Variants in ADAM32 observed in about 807,000 individuals in gnomAD.
ADAM32 encodes the protein disintegrin and metalloproteinase domain-containing protein 32.
Under a neutral mutation model 114.9 loss-of-function variants are expected in ADAM32, and 89 were observed. That is an observed-to-expected ratio of 0.77 (90% CI 0.65 to 0.92). The LOEUF is 0.92. ADAM32 is among the 40% of genes least tolerant of loss of function. The pLI is 0.00. For synonymous variants in ADAM32, 285 were observed against 307.5 expected, an observed-to-expected ratio of 0.93 and a Z score of 0.77; for missense variants, 870 against 932.8, an observed-to-expected ratio of 0.93 and a Z score of 0.88.
chr8:39,228,943 T>C (rs1302579001), intron 14 of ADAM32, among the ~76,000 whole-genome samples: 1 of 152,168 alleles, frequency 6.6e-6, no homozygotes, highest in Non-Finnish European at 1.5e-5. Flanking sequence ...AAGTACCAGG[T>C]AACCTAAAAA....
chr8:39,131,357 G>T (rs1034924876), intron 2 of ADAM32, among the ~76,000 whole-genome samples: 1 of 152,118 alleles, frequency 6.6e-6, no homozygotes, highest in African/African-American at 2.4e-5. Flanking sequence ...CAGCCATGGT[G>T]GCACATGCCT....
chr8:39,262,015 C>G (rs947471068), intron 19 of ADAM32, among the ~76,000 whole-genome samples: 1 of 152,070 alleles, frequency 6.6e-6, no homozygotes, highest in African/African-American at 2.4e-5. Context: ...CTGATTGTTT[C>G]TTTTGCTGTG....
intron 6 of ADAM32, among the ~76,000 whole-genome samples, chr8:39,154,781 T>G (rs995250294): frequency 5.9e-5 from 9 of 152,192 alleles, no homozygotes; most frequent in African/African-American, 1.7e-4. Context: ...TGCATTTCTC[T>G]TAATGACCAG....
chr8:39,114,857 C>T (rs1840311626), intron 1 of ADAM32, among the ~76,000 whole-genome samples: 1 of 152,060 alleles, frequency 6.6e-6, no homozygotes, highest in Admixed American at 6.6e-5. Flanking sequence ...GTTTTTCAGT[C>T]CTCTCCCTCC....
At chr8:39,118,948 G>T (rs1002579372) in intron 2 of ADAM32, among the ~76,000 whole-genome samples, 1 of 152,114 alleles carries the variant, frequency 6.6e-6, no homozygotes, top group Non-Finnish European at 1.5e-5. Context: ...CTGATCTGTT[G>T]TCTATCTCTA....
chr8:39,254,477 C>A lies in ADAM32; in HGVS notation c.1966C>A (p.Arg656Ser), dbSNP rs1472803470. 2 of 1,597,648 alleles carry A rather than the reference C, an allele frequency of 1.3e-6. No individual in the cohort carries two copies. The highest frequency in any genetic ancestry group is 1.7e-4 in the Middle Eastern group (1 of 6,042). Reference sequence around the variant, plus strand: ...CTATAAGCCTCCAAACTGCCAAATACGTTCCAAAGGATTTTCCATATTTCC... The same window carrying A: ...CTATAAGCCTCCAAACTGCCAAATAAGTTCCAAAGGATTTTCCATATTTCC... The part of the protein sequence containing the change: ...PGYKPPNCQI[R>S]SKGFSIFPEE... The change falls in exon 18 of 25, where the codon CGT becomes AGT. Residue 656 changes from arginine (R) to serine (S), a missense_variant. Transcript: ENST00000379907.
intron 2 of ADAM32, among the ~76,000 whole-genome samples, chr8:39,133,670 T>A (rs1046712489): frequency 2.6e-5 from 4 of 152,146 alleles, no homozygotes; most frequent in African/African-American, 9.7e-5. Context: ...TGCATGTGGG[T>A]GGGCACTGGT....
At chr8:39,149,919 A>G (rs1442913279) in intron 5 of ADAM32, 52 bp downstream of exon 5, 2 of 1,465,080 alleles carry the variant, frequency 1.4e-6, no homozygotes, top group African/African-American at 2.8e-5. Flanking sequence ...ATTTGGCTGC[A>G]GTGAATTTGT....
chr8:39,179,968 C>T (rs935770285), intron 10 of ADAM32, among the ~76,000 whole-genome samples: 2 of 152,234 alleles, frequency 1.3e-5, no homozygotes, highest in Admixed American at 1.3e-4. Context: ...CCTCAGAGCC[C>T]TCGCTTGCTC....
At chr8:39,164,132 G>C (rs1242591606) in intron 7 of ADAM32, among the ~76,000 whole-genome samples, 4 of 152,160 alleles carry the variant, frequency 2.6e-5, no homozygotes, top group Non-Finnish European at 5.9e-5. Flanking sequence ...GATCCCATTA[G>C]AGCCACACTG....
In ADAM32 at chr8:39,221,707, G is replaced by A; in HGVS notation, c.1326+5G>A. 7 of 1,602,180 alleles carry A rather than the reference G, an allele frequency of 4.4e-6. No homozygotes were observed. Among genetic ancestry groups the A allele is most frequent in the Non-Finnish European group, 6.0e-6 (7 of 1,171,230 alleles). ...CTGTGCTGCAAAGACTGTCAAGTAAGATTTAAGCTTATGAACATCTTTCAA... is the reference window on the plus strand; with the variant it reads ...CTGTGCTGCAAAGACTGTCAAGTAAAATTTAAGCTTATGAACATCTTTCAA... On this transcript the variant is annotated splice_donor_5th_base_variant and intron_variant, in intron 13 of 24. Coordinates refer to ENST00000379907, the MANE Select transcript of ADAM32 (RefSeq NM_145004.7).
intron 12 of ADAM32, among the ~76,000 whole-genome samples, chr8:39,216,616 GT>G (rs1285728747): frequency 2.0e-5 from 3 of 151,668 alleles, no homozygotes; most frequent in African/African-American, 7.3e-5. Context: ...TCTGTTATAT[GT>G]TTTTAGATTT....
intron 3 of ADAM32, among the ~76,000 whole-genome samples, chr8:39,139,204 CT>C (rs1802993272): frequency 1.3e-5 from 2 of 152,120 alleles, no homozygotes; most frequent in East Asian, 3.8e-4. Context: ...TCTATTTTGG[CT>C]TTTGTTGCCA....
intron 16 of ADAM32, among the ~76,000 whole-genome samples, chr8:39,235,485 A>G (rs1433160056): frequency 6.6e-6 from 1 of 152,148 alleles, no homozygotes; most frequent in African/African-American, 2.4e-5. Context: ...CTCAGTGGAT[A>G]TATTTAGGTC....
intron 11 of ADAM32, 93 bp from the exon 12 acceptor site, chr8:39,211,051 A>G (rs1198104374): frequency 1.8e-6 from 2 of 1,101,614 alleles, no homozygotes; most frequent in Non-Finnish European, 1.2e-6. Context: ...TGTAACAGCC[A>G]ATTGAATTTA....
chr8:39,118,147 C>T lies in ADAM32; in HGVS notation c.120C>T (p.Asp40=). Reference sequence around the variant, plus strand: ...AGAAAATCCAAACAAATACAAATGACAGTTCAGAAATAGAATATGTAAGAG... The same window carrying T: ...AGAAAATCCAAACAAATACAAATGATAGTTCAGAAATAGAATATGTAAGAG... ...IPEKIQTNTN[D]SSEIEYEQIS... is the part of the protein sequence containing the mutation. The change falls in exon 2 of 25, where the codon GAC becomes GAT. Residue 40 remains aspartate (D), a synonymous_variant. Coordinates refer to ENST00000379907, the MANE Select transcript of ADAM32 (RefSeq NM_145004.7). 6.8e-7 allele frequency: 1 copy of T among 1,471,512 alleles called. No individual in the cohort carries two copies. The highest frequency in any genetic ancestry group is 2.7e-5 in the East Asian group (1 of 37,020). 91.2% of individuals were successfully genotyped at this position (1,471,512 alleles called of 1,614,324 possible).
chr8:39,187,190 G>A, intron 11 of ADAM32, 145 bp downstream of exon 11: 1 of 685,846 alleles, frequency 1.5e-6, no homozygotes, highest in Non-Finnish European at 2.3e-6. Context: ...AAATGTAAAA[G>A]TAGTATAAAG....
intron 16 of ADAM32, among the ~76,000 whole-genome samples, chr8:39,242,718 A>G (rs1384447277): frequency 6.6e-6 from 1 of 152,222 alleles, no homozygotes; most frequent in African/African-American, 2.4e-5. Context: ...CATAACAGTC[A>G]TACCTCAAGG....
At chr8:39,218,488 A>G (rs1312648314) in intron 12 of ADAM32, among the ~76,000 whole-genome samples, 1 of 152,156 alleles carries the variant, frequency 6.6e-6, no homozygotes, top group African/African-American at 2.4e-5. Context: ...AGGTGCAGAG[A>G]TGCCATCCTG....
Sources: allele counts gnomAD v4.1 joint callset (sites outside exome capture counted in the v4.1 genomes callset), GRCh38; gene constraint gnomAD v4.1.1; transcripts MANE v1.5; gene names NCBI Gene and HGNC (gene_info 2026-07-23, HGNC 2026-07-21).